Variants in ZBTB34 observed in about 807,000 individuals in gnomAD.
The protein encoded by ZBTB34 is zinc finger and BTB domain-containing protein 34.
In ZBTB34, 1 loss-of-function variant was observed where a neutral mutation model predicts 33.4. The ratio of observed to expected loss-of-function variants is 0.03; its 90% CI spans 0.01 to 0.14. ZBTB34 has a LOEUF of 0.14. Ranked by LOEUF, ZBTB34 falls within the 10% of genes least tolerant of loss-of-function variation. The probability of loss-of-function intolerance (pLI) is 1.00; values close to 1 mark genes in which losing one functional copy is unlikely to be tolerated. For missense variants in ZBTB34, 406 were observed against 657.2 expected (o/e 0.62, Z 4.18); for synonymous variants, 283 against 253.5 (o/e 1.12, Z -1.11).
chr9:126,879,834 T>G lies in ZBTB34; in HGVS notation c.435T>G (p.Ala145=). The change falls in exon 2 of 2, where the codon GCT becomes GCG. Residue 145 remains alanine (A), a synonymous_variant. Coordinates refer to ENST00000319119, the Ensembl canonical transcript of ZBTB34. This position sits in a 1 kb window ranked among gnomAD's most constrained non-coding sequence, Gnocchi z 6.4. Reference sequence around the variant, plus strand: ...ATGTTGACTCTGTTACCGTCGGTGCTGAAGAGAATCCCGAGAGTCGAAACG... The same window carrying G: ...ATGTTGACTCTGTTACCGTCGGTGCGGAAGAGAATCCCGAGAGTCGAAACG... The G allele has an allele frequency of 6.2e-7, 1 of 1,613,162 alleles. No individual in the cohort carries two copies. The highest frequency in any genetic ancestry group is 2.2e-5 in the East Asian group (1 of 44,878).
At chr9:126,869,843 C>A (rs2033255429) in intron 1 of ZBTB34, among the ~76,000 whole-genome samples, 2 of 152,224 alleles carry the variant, frequency 1.3e-5, no homozygotes. Context: ...ACAGAAGAGA[C>A]CTGTGAAGAA....
rs145209252 is a variant in ZBTB34, at chr9:126,875,242, A to G, written c.-10-4148A>G. Reference sequence around the variant, plus strand: ...ACATGCTGCAGTGATGTATTGGGTTATATAAAATATTACTACAATTTATTT... The same window carrying G: ...ACATGCTGCAGTGATGTATTGGGTTGTATAAAATATTACTACAATTTATTT... On this transcript the variant is annotated intron_variant, in intron 1 of 1. Transcript: ENST00000319119. 1.6e-4 allele frequency among the ~76,000 whole-genome samples: 24 copies of G among 152,236 alleles called. No individual in the cohort carries two copies. The East Asian group carries it at 4.4e-3, about 28-fold the overall frequency.
At chr9:126,865,287 A>G (rs1039297454) in intron 1 of ZBTB34, among the ~76,000 whole-genome samples, 4 of 152,230 alleles carry the variant, frequency 2.6e-5, no homozygotes, top group Non-Finnish European at 4.4e-5. Flanking sequence ...TTGAGCCACC[A>G]GCTTGTTTTA....
intron 1 of ZBTB34, among the ~76,000 whole-genome samples, chr9:126,876,400 A>G (rs1462436450): frequency 6.6e-6 from 1 of 150,816 alleles, no homozygotes; most frequent in African/African-American, 2.4e-5. Context: ...TTTTTCTCAC[A>G]TGCATTTTTG....
intron 1 of ZBTB34, among the ~76,000 whole-genome samples, chr9:126,867,393 C>T (rs992921620): frequency 3.3e-5 from 5 of 150,580 alleles, no homozygotes; most frequent in East Asian, 1.9e-4. Context: ...GTATTTCAAA[C>T]GTCTTTAATC....
chr9:126,873,057 A>G (rs1400188814), intron 1 of ZBTB34, among the ~76,000 whole-genome samples: 5 of 152,108 alleles, frequency 3.3e-5, no homozygotes, highest in Admixed American at 6.5e-5. Flanking sequence ...TCCTTTCTGT[A>G]CTGGTTTTTG....
At chr9:126,874,296 C>T (rs578127584) in intron 1 of ZBTB34, among the ~76,000 whole-genome samples, 31 of 150,774 alleles carry the variant, frequency 2.1e-4, no homozygotes, top group African/African-American at 7.1e-4. Flanking sequence ...GTGATCTGCC[C>T]GCCCCGGCCT....
At chr9:126,883,565 C>T (rs1327134878) in exon 2 of ZBTB34, 1 of 167,076 alleles carries the variant, frequency 6.0e-6, no homozygotes, top group African/African-American at 2.4e-5. Flanking sequence ...CAGGTTCAAA[C>T]ATTGTAATGG....
rs1011729689 is a variant in ZBTB34 at position 126,880,447 on chromosome 9, A to G, written c.1048A>G (p.Met350Val). 12 of 1,613,632 alleles carry G rather than the reference A, an allele frequency of 7.4e-6. No homozygotes were observed. In the Admixed American group the frequency reaches 1.5e-4, roughly 20 times the overall value. ...GGTGCAGGGCTCTGACAGTGAAGCC[A>G]TGATGAACAACCCCGGGTATGAGAG... The change falls in exon 2 of 2, where the codon ATG (methionine) becomes GTG (valine). Residue 350 changes from methionine (M) to valine (V), a missense_variant. Coordinates refer to ENST00000319119, the Ensembl canonical transcript of ZBTB34. The surrounding 1 kb of genome is among the most constrained non-coding windows in gnomAD (Gnocchi z 6.7).
intron 1 of ZBTB34, among the ~76,000 whole-genome samples, chr9:126,872,589 G>T (rs1158651466): frequency 3.9e-5 from 6 of 152,186 alleles, no homozygotes; most frequent in African/African-American, 1.4e-4. Context: ...AAGAGGCTCT[G>T]ACCTCCTCTA....
At chr9:126,873,139 T>C (rs2033303499) in intron 1 of ZBTB34, among the ~76,000 whole-genome samples, 1 of 152,184 alleles carries the variant, frequency 6.6e-6, no homozygotes, top group South Asian at 2.1e-4. Flanking sequence ...AGTCACTATT[T>C]ACGCACCCCG....
At chr9:126,876,161 T>TCCTTCCCC (rs2033354822) in intron 1 of ZBTB34, among the ~76,000 whole-genome samples, 1 of 5,954 alleles carries the variant, frequency 1.7e-4, no homozygotes, top group Non-Finnish European at 3.1e-4. Context: ...TTCCCTTCCG[T>TCCTTCCCC]CCTTCCCCCC....
exon 2 of ZBTB34, chr9:126,883,678 C>T (rs183756332): frequency 6.0e-6 from 1 of 167,176 alleles, no homozygotes; most frequent in East Asian, 1.9e-4. Flanking sequence ...ACACTTTACC[C>T]TTTCCACTGC....
At chr9:126,882,776 A>G (rs574222090) in exon 2 of ZBTB34, 32 of 167,162 alleles carry the variant, frequency 1.9e-4, no homozygotes, top group East Asian at 1.2e-3. Context: ...TAAAATACCA[A>G]TGGTGGATTT....
chr9:126,867,057 T>C (rs972696187), intron 1 of ZBTB34, among the ~76,000 whole-genome samples: 1 of 152,032 alleles, frequency 6.6e-6, no homozygotes, highest in African/African-American at 2.4e-5. Flanking sequence ...ATCTACCCAC[T>C]CTTCTTAATA....
chr9:126,869,222 C>G (rs2033247528), intron 1 of ZBTB34, among the ~76,000 whole-genome samples: 1 of 133,868 alleles, frequency 7.5e-6, no homozygotes, highest in African/African-American at 2.7e-5. Context: ...CATCCCTTTC[C>G]TTGACACTGT....
intron 1 of ZBTB34, among the ~76,000 whole-genome samples, chr9:126,868,009 T>C (rs2033231339): frequency 6.6e-6 from 1 of 152,088 alleles, no homozygotes; most frequent in Non-Finnish European, 1.5e-5. Flanking sequence ...ACTAACTCAG[T>C]GAGGGTGGGG....
intron 1 of ZBTB34, among the ~76,000 whole-genome samples, chr9:126,862,266 TAGG>T (rs1328118792): frequency 6.6e-6 from 1 of 152,038 alleles, no homozygotes; most frequent in African/African-American, 2.4e-5. Context: ...AGGAGGGAAG[TAGG>T]AGGAGAGGTG....
rs374676648 is a variant in ZBTB34, at chr9:126,865,710, C to T, written c.-11+4971C>T. 5.9e-5 allele frequency among the ~76,000 whole-genome samples: 9 copies of T among 152,260 alleles called. No individual in the cohort carries two copies. In the East Asian group the frequency reaches 9.7e-4, roughly 16 times the overall value. On this transcript the variant is annotated intron_variant, in intron 1 of 1. Coordinates refer to ENST00000319119, the Ensembl canonical transcript of ZBTB34. ...AAAGATACTAGCCAATGGGGCCGGG[C>T]GCAGTAGCTCATTCCTGTAATCCCA...
Sources: gnomAD v4.1 joint callset for allele counts (sites outside exome capture counted in the v4.1 genomes callset) on GRCh38, gnomAD v4.1.1 for gene constraint, Gnocchi (gnomAD v3.1) non-coding constraint, MANE v1.5 for transcripts, NCBI Gene and HGNC (gene_info 2026-07-23, HGNC 2026-07-21) for gene names.